Variants in CREB5 observed in about 807,000 individuals in gnomAD.
CREB5 encodes cAMP responsive element binding protein 5.
Under a neutral mutation model 57.1 loss-of-function variants are expected in CREB5, and 19 were observed. That is an observed-to-expected ratio of 0.33 (90% CI 0.23 to 0.49). The LOEUF (loss-of-function observed/expected upper bound fraction) is 0.49, where lower values mean the gene tolerates loss of function less well. Among genes scored for constraint, CREB5 ranks in the 20% least tolerant of loss-of-function variants. The pLI, the probability that CREB5 is intolerant of heterozygous loss-of-function variation, is 0.99. For synonymous variants in CREB5, 238 were observed against 238.3 expected (o/e 1.00, Z 0.01); for missense variants, 579 against 671.6 (o/e 0.86, Z 1.52).
At chr7:28,439,867 G>T (rs150542568) in intron 1 of CREB5, among the ~76,000 whole-genome samples, 2 of 152,046 alleles carry the variant, frequency 1.3e-5, no homozygotes, top group African/African-American at 4.8e-5. Flanking sequence ...GTAATTTTGC[G>T]TACCATTCAG....
intron 1 of CREB5, among the ~76,000 whole-genome samples, chr7:28,330,005 G>A (rs984862907): frequency 6.6e-6 from 1 of 152,216 alleles, no homozygotes; most frequent in Admixed American, 6.5e-5. Flanking sequence ...CACTCTGGCA[G>A]CAGCTAAGCA....
chr7:28,611,057 T>G (rs1209027983), intron 5 of CREB5, among the ~76,000 whole-genome samples: 2 of 152,182 alleles, frequency 1.3e-5, no homozygotes, highest in East Asian at 1.9e-4. Context: ...TCCCTTATAC[T>G]TAGAGAGGAA....
chr7:28,738,072 G>T (rs1804129319), intron 7 of CREB5, among the ~76,000 whole-genome samples: 1 of 151,854 alleles, frequency 6.6e-6, no homozygotes, highest in South Asian at 2.1e-4. Flanking sequence ...AAATATTAGG[G>T]CTAAAATTGC....
At chr7:28,402,464 G>A (rs948387233) in intron 1 of CREB5, among the ~76,000 whole-genome samples, 6 of 152,208 alleles carry the variant, frequency 3.9e-5, no homozygotes, top group Admixed American at 2.0e-4. Flanking sequence ...TGGTACTGGT[G>A]CCAAAACAGA....
intron 4 of CREB5, among the ~76,000 whole-genome samples, chr7:28,540,990 C>G (rs943875396): frequency 2.6e-5 from 4 of 152,198 alleles, no homozygotes; most frequent in African/African-American, 9.7e-5. Flanking sequence ...AACCACCAGT[C>G]CTGTCCTGTG....
At chr7:28,600,831 G>C (rs1796889011) in intron 5 of CREB5, among the ~76,000 whole-genome samples, 2 of 152,236 alleles carry the variant, frequency 1.3e-5, no homozygotes, top group African/African-American at 4.8e-5. Context: ...TTTATTCCTA[G>C]AGGAGTTGTG....
intron 1 of CREB5, among the ~76,000 whole-genome samples, chr7:28,357,648 T>G (rs961252710): frequency 6.6e-6 from 1 of 152,216 alleles, no homozygotes; most frequent in Non-Finnish European, 1.5e-5. Context: ...GATGCGTGAC[T>G]TCGTGTGCAT....
At chr7:28,567,825 G>A (rs534592109) in intron 4 of CREB5, among the ~76,000 whole-genome samples, 8 of 152,178 alleles carry the variant, frequency 5.3e-5, no homozygotes, top group Admixed American at 1.3e-4. Context: ...TGGAGGTGGT[G>A]TGAGTTGAGC....
At chr7:28,805,177 G>A (rs1274498938) in intron 8 of CREB5, among the ~76,000 whole-genome samples, 2 of 152,196 alleles carry the variant, frequency 1.3e-5, no homozygotes, top group African/African-American at 4.8e-5. Flanking sequence ...CAGACCAAGA[G>A]AAAGGCCAAA....
At chr7:28,645,578 G>A (rs1477385216) in intron 5 of CREB5, among the ~76,000 whole-genome samples, 1 of 152,220 alleles carries the variant, frequency 6.6e-6, no homozygotes, top group Non-Finnish European at 1.5e-5. Context: ...TTAATCATAT[G>A]TTATGATTGG....
At chr7:28,496,991 G>A (rs1269983540) in intron 3 of CREB5, among the ~76,000 whole-genome samples, 1 of 152,176 alleles carries the variant, frequency 6.6e-6, no homozygotes, top group Non-Finnish European at 1.5e-5. Flanking sequence ...GTTCATCAGT[G>A]AGCATAGATA....
chr7:28,567,496 T>C (rs541763415), intron 4 of CREB5, among the ~76,000 whole-genome samples: 3 of 152,302 alleles, frequency 2.0e-5, no homozygotes, highest in South Asian at 2.1e-4. Context: ...AATGGAGACA[T>C]AATGGGGAGT....
At chr7:28,697,081 TAC>T (rs145576356) in intron 5 of CREB5, among the ~76,000 whole-genome samples, 7,075 of 152,096 alleles carry the variant, frequency 0.047, 306 homozygotes, top group African/African-American at 0.11. Context: ...TATTTATATA[TAC>T]ACACACACAA....
chr7:28,613,282 A>T (rs1339567805), intron 5 of CREB5, among the ~76,000 whole-genome samples: 1 of 152,338 alleles, frequency 6.6e-6, no homozygotes, highest in South Asian at 2.1e-4. Context: ...TTTAAGGTTC[A>T]TTGCAATATA....
chr7:28,685,557 G>C (rs187899001), intron 5 of CREB5, among the ~76,000 whole-genome samples: 255 of 152,142 alleles, frequency 1.7e-3, no homozygotes, highest in African/African-American at 5.9e-3. Context: ...TGCTAACTGA[G>C]GTTAGTTTTT....
intron 1 of CREB5, among the ~76,000 whole-genome samples, chr7:28,380,919 GTTAT>G (rs1460879337): frequency 6.6e-6 from 1 of 152,136 alleles, no homozygotes; most frequent in Admixed American, 6.5e-5. Flanking sequence ...GTAAGGGGTG[GTTAT>G]TTGATAAGCC....
chr7:28,360,082 G>A (rs548109029), intron 1 of CREB5, among the ~76,000 whole-genome samples: 8 of 152,282 alleles, frequency 5.3e-5, no homozygotes, highest in African/African-American at 1.4e-4. Context: ...AATAAGAGTT[G>A]GTGAGAATGT....
rs974789707 is a variant in CREB5, at chr7:28,564,239, T to C, written c.292-6126T>C. On this transcript the variant is annotated intron_variant, in intron 4 of 10. Coordinates refer to ENST00000357727, the MANE Select transcript of CREB5 (RefSeq NM_182898.4). ...AAATGCGAGTTAAGATGACCCTGGC[T>C]CTTTATGGAAAATCCCATAAAGTCT... Among the ~76,000 whole-genome samples the C allele has an allele frequency of 2.0e-5, 3 of 152,208 alleles. No homozygotes were observed. In the East Asian group the frequency reaches 5.8e-4, roughly 29 times the overall value.
chr7:28,793,671 G>T (rs1189764955), intron 7 of CREB5, among the ~76,000 whole-genome samples: 1 of 152,230 alleles, frequency 6.6e-6, no homozygotes, highest in African/African-American at 2.4e-5. Context: ...CAAGGGCTTG[G>T]GGGAGGATCT....
Sources: allele counts gnomAD v4.1 joint callset (sites outside exome capture counted in the v4.1 genomes callset), GRCh38; gene constraint gnomAD v4.1.1; transcripts MANE v1.5; gene names NCBI Gene and HGNC (gene_info 2026-07-23, HGNC 2026-07-21).